The following OTUD4 variants were observed in gnomAD, a reference collection of about 807,000 sequenced individuals.
OTUD4 encodes OTU domain-containing protein 4.
Under a neutral mutation model 130.4 loss-of-function variants are expected in OTUD4, and 24 were observed. The observed-to-expected ratio is 0.18, with a 90% CI of 0.13 to 0.26. OTUD4 has a LOEUF of 0.26. Ranked by LOEUF, OTUD4 falls within the 10% of genes least tolerant of loss-of-function variation. The pLI is 1.00. For missense variants in OTUD4, 1,031 were observed against 1,329.4 expected (o/e 0.78, Z 3.49); for synonymous variants, 420 against 472.5 (o/e 0.89, Z 1.44).
At chr4:145,145,654 G>C (rs1168370260) in intron 14 of OTUD4, among the ~76,000 whole-genome samples, 1 of 152,286 alleles carries the variant, frequency 6.6e-6, no homozygotes, top group East Asian at 1.9e-4. Flanking sequence ...ACATGAGAAT[G>C]AATTAGGTAC....
At chr4:145,153,654 G>C (rs962695132) in intron 10 of OTUD4, among the ~76,000 whole-genome samples, 8 of 152,174 alleles carry the variant, frequency 5.3e-5, no homozygotes, top group Admixed American at 6.5e-5. Flanking sequence ...CATGATAAAA[G>C]AGTAAATAAG....
intron 7 of OTUD4, among the ~76,000 whole-genome samples, chr4:145,158,240 T>C (rs752624968): frequency 2.0e-5 from 3 of 152,120 alleles, no homozygotes; most frequent in Non-Finnish European, 4.4e-5. Context: ...TCCCAGCACT[T>C]TGGGAGGCCA....
intron 3 of OTUD4, among the ~76,000 whole-genome samples, chr4:145,169,458 C>T (rs1043756995): frequency 5.9e-5 from 9 of 152,258 alleles, no homozygotes; most frequent in African/African-American, 2.2e-4. Flanking sequence ...CCATTTTATA[C>T]AGCCATATAT....
chr4:145,141,710 T>C, intron 18 of OTUD4, 71 bp from the exon 19 acceptor site: 1 of 1,352,512 alleles, frequency 7.4e-7, no homozygotes, highest in Admixed American at 2.5e-5. Context: ...TACATTAACC[T>C]ATAAAGAATG....
At position 145,134,183 on chromosome 4, in the gene OTUD4, T is replaced by G. The variant is rs1217160937; in HGVS notation, c.*3247A>C. 1 of 152,614 alleles carries G rather than the reference T, an allele frequency of 6.6e-6. No individual in the cohort carries two copies. 9.5% of individuals were successfully genotyped at this position (152,614 alleles called of 1,614,324 possible). A position where few individuals can be genotyped will look rare whatever the true frequency, so the allele number is the denominator to read the frequency against. On this transcript the variant is annotated 3_prime_UTR_variant, in exon 21 of 21. Transcript: ENST00000447906. ...AATGGCTGACATTAGTAGCAAAACC[T>G]TAGTTATCTGAAAATAACATATTGG...
chr4:145,159,667 T>C, intron 6 of OTUD4, 32 bp from the exon 7 acceptor site: 1 of 1,606,924 alleles, frequency 6.2e-7, no homozygotes, highest in South Asian at 1.1e-5. Flanking sequence ...TTTTCCAACA[T>C]TAACTACAGG....
chr4:145,150,014 TAGTC>T (rs1750992794), intron 13 of OTUD4, among the ~76,000 whole-genome samples: 2 of 152,220 alleles, frequency 1.3e-5, no homozygotes, highest in African/African-American at 4.8e-5. Context: ...TCTGGATACT[TAGTC>T]AGAATGCTGA....
chr4:145,141,199 A>G (rs1161532891), intron 19 of OTUD4, among the ~76,000 whole-genome samples, 180 bp downstream of exon 19: 1 of 151,600 alleles, frequency 6.6e-6, no homozygotes, highest in Non-Finnish European at 1.5e-5. Context: ...ATTATAATAC[A>G]TTTTCTAATA....
At chr4:145,176,533 C>CAA (rs879310700) in intron 1 of OTUD4, among the ~76,000 whole-genome samples, 3 of 111,292 alleles carry the variant, frequency 2.7e-5, no homozygotes, top group East Asian at 2.5e-4. Context: ...CTAAAAAATA[C>CAA]AAAAAAAAAA....
At position 145,150,679 on chromosome 4, in the gene OTUD4, T is replaced by C. The variant is rs1037352576; in HGVS notation, c.1093A>G (p.Lys365Glu). The C allele has an allele frequency of 6.2e-7, 1 of 1,609,374 alleles. No individual in the cohort carries two copies. The highest frequency in any genetic ancestry group is 1.1e-5 in the South Asian group (1 of 90,984). The change falls in exon 13 of 21, where the codon AAG (lysine) becomes GAG (glutamate). Residue 365 changes from lysine to glutamate, a missense_variant. Transcript: ENST00000447906. ...GCTTTTATTGGCTTGCTTGGATTCT[T>C]TGGCCCTCTGTAATCCACATCTGTT... ...FHSDVDYRGP[K>E]NPSKPIKAPS...
Position 145,137,654 on chromosome 4 carries a change from G to T in OTUD4, c.3121C>A (p.Gln1041Lys). 1.2e-6 allele frequency: 2 copies of T among 1,613,538 alleles called. No homozygotes were observed. Among genetic ancestry groups the T allele is most frequent in the Non-Finnish European group, 1.7e-6 (2 of 1,179,770 alleles). ...CTTCCATAAGTTTGATTATAGAACTGCTTGGATCTACCACTTCTCAAAATA... is the reference window on the plus strand; with the variant it reads ...CTTCCATAAGTTTGATTATAGAACTTCTTGGATCTACCACTTCTCAAAATA... Reference protein sequence around the residue: ...SNILRSGRSKQFYNQTYGSRK... With the variant: ...SNILRSGRSKKFYNQTYGSRK... The change falls in exon 21 of 21, where the codon CAG becomes AAG. Residue 1041 changes from glutamine (Q) to lysine (K), a missense_variant. Gln to Lys is a moderately conservative substitution (Grantham distance 53). Transcript: ENST00000447906.
intron 7 of OTUD4, among the ~76,000 whole-genome samples, chr4:145,156,470 G>C (rs1751297462): frequency 6.6e-6 from 1 of 152,156 alleles, no homozygotes; most frequent in Non-Finnish European, 1.5e-5. Context: ...GATCACCTGA[G>C]TTTGAGAGTT....
At chr4:145,164,099 G>T in intron 5 of OTUD4, 55 bp downstream of exon 5, 1 of 730,624 alleles carries the variant, frequency 1.4e-6, no homozygotes, top group Non-Finnish European at 2.4e-6. Context: ...GGTCATGGTA[G>T]CAACTAAGCG....
Position 145,180,102 on chromosome 4 carries a change from C to A in OTUD4, c.-129G>T, listed in dbSNP as rs1344565979. The A allele has an allele frequency of 4.6e-6, 3 of 658,410 alleles. No homozygotes were observed. Among genetic ancestry groups the A allele is most frequent in the Non-Finnish European group, 5.8e-6 (3 of 512,852 alleles). The allele number at this position is 658,410 out of a possible 1,614,324, so 40.8% of individuals were successfully genotyped here. A position where few individuals can be genotyped will look rare whatever the true frequency, so the allele number is the denominator to read the frequency against. On this transcript the variant is annotated 5_prime_UTR_variant, in exon 1 of 21. Transcript: ENST00000447906. Reference sequence around the variant, plus strand: ...GGGGCTCGGGCTCCGCGAGCGGCGGCAGGCGGCGGCGGCCCGAGGCAGCGG... The same window carrying A: ...GGGGCTCGGGCTCCGCGAGCGGCGGAAGGCGGCGGCGGCCCGAGGCAGCGG...
rs1750117723 is a variant in OTUD4, at chr4:145,133,873, T to C, written c.*3557A>G. The C allele has an allele frequency of 2.0e-5, 3 of 152,808 alleles. No individual in the cohort carries two copies. The highest frequency in any genetic ancestry group is 2.1e-4 in the South Asian group (1 of 4,826). The allele number at this position is 152,808 out of a possible 1,614,324, so 9.5% of individuals were successfully genotyped here. Reference sequence around the variant, plus strand: ...TTTCCTTTTAACACTTCAAAAGATATGTATATATACTTTTTTTTACAAGTA... The same window carrying C: ...TTTCCTTTTAACACTTCAAAAGATACGTATATATACTTTTTTTTACAAGTA... On this transcript the variant is annotated 3_prime_UTR_variant, in exon 21 of 21. Transcript: ENST00000447906.
At chr4:145,147,770 A>G (rs1750892604) in intron 13 of OTUD4, among the ~76,000 whole-genome samples, 1 of 152,216 alleles carries the variant, frequency 6.6e-6, no homozygotes, top group Admixed American at 6.5e-5. Context: ...ATCCAGCACT[A>G]CGGTTCTCTT....
intron 7 of OTUD4, among the ~76,000 whole-genome samples, chr4:145,156,262 T>C (rs982354268): frequency 6.6e-6 from 1 of 152,180 alleles, no homozygotes; most frequent in African/African-American, 2.4e-5. Flanking sequence ...TTTGGGTGGG[T>C]AGAATAATTG....
chr4:145,164,225 T>G lies in OTUD4; in HGVS notation c.343A>C (p.Lys115Gln). ...EISALSLMYR[K>Q]DFIIYREPNV... is the part of the protein sequence containing the mutation. Reference sequence around the variant, plus strand: ...GGTTCCCGATAAATTATAAAATCTTTCCTGAAAATAACAATTAGAAATTAT... The same window carrying G: ...GGTTCCCGATAAATTATAAAATCTTGCCTGAAAATAACAATTAGAAATTAT... The change falls in exon 5 of 21, where the codon AAA (lysine) becomes CAA (glutamine). Residue 115 changes from lysine (K) to glutamine (Q), a missense_variant and splice_region_variant. By Grantham distance (53) the Lys-to-Gln change is moderately conservative. Coordinates refer to ENST00000447906, the MANE Select transcript of OTUD4 (RefSeq NM_001366057.1). 7.9e-7 allele frequency: 1 copy of G among 1,266,832 alleles called. No individual in the cohort carries two copies. Among genetic ancestry groups the G allele is most frequent in the Non-Finnish European group, 1.1e-6 (1 of 894,356 alleles). 78.5% of individuals were successfully genotyped at this position (1,266,832 alleles called of 1,614,324 possible).
intron 3 of OTUD4, among the ~76,000 whole-genome samples, chr4:145,165,487 T>C (rs1282021818): frequency 2.6e-5 from 4 of 152,174 alleles, no homozygotes; most frequent in African/African-American, 4.8e-5. Flanking sequence ...TGAGACTTTT[T>C]TTTTTTTGAG....
Sources: gnomAD v4.1 joint callset for allele counts (sites outside exome capture counted in the v4.1 genomes callset) on GRCh38, gnomAD v4.1.1 for gene constraint, MANE v1.5 for transcripts, NCBI Gene and HGNC (gene_info 2026-07-23, HGNC 2026-07-21) for gene names.